Variants in NTRK2 observed in about 807,000 individuals in gnomAD.
NTRK2 encodes neurotrophic receptor tyrosine kinase 2, also known as BDNF/NT-3 growth factors receptor.
In NTRK2, 13 loss-of-function variants were observed where a neutral mutation model predicts 94.5. The ratio of observed to expected loss-of-function variants is 0.14; its 90% CI spans 0.09 to 0.22. NTRK2 has a LOEUF of 0.22. Ranked by LOEUF, NTRK2 falls within the 10% of genes least tolerant of loss-of-function variation. The probability of loss-of-function intolerance (pLI) is 1.00; values close to 1 mark genes in which losing one functional copy is unlikely to be tolerated. For missense variants in NTRK2, 639 were observed against 1,071.2 expected, an observed-to-expected ratio of 0.60 and a Z score of 5.63; for synonymous variants, 372 against 407.4, an observed-to-expected ratio of 0.91 and a Z score of 1.05.
chr9:84,910,162 G>T (rs1247490597), intron 14 of NTRK2, among the ~76,000 whole-genome samples: 1 of 152,074 alleles, frequency 6.6e-6, no homozygotes, highest in Non-Finnish European at 1.5e-5. Flanking sequence ...ATGTCCAATT[G>T]CTCTGTCACC....
intron 11 of NTRK2, among the ~76,000 whole-genome samples, chr9:84,751,576 G>A (rs1047596076): frequency 1.4e-4 from 21 of 150,994 alleles, no homozygotes; most frequent in South Asian, 8.3e-4. Context: ...GTGAGACTCC[G>A]TCACACACAC....
chr9:84,683,579 C>T (rs1364730257), intron 2 of NTRK2, among the ~76,000 whole-genome samples: 1 of 152,096 alleles, frequency 6.6e-6, no homozygotes, highest in African/African-American at 2.4e-5. Context: ...TTTTCTTTAT[C>T]CAGTCTATCA....
Position 84,670,755 on chromosome 9 carries a change from T to C in NTRK2, c.7T>C (p.Ser3Pro). 6.2e-7 allele frequency: 1 copy of C among 1,612,906 alleles called. No homozygotes were observed. The highest frequency in any genetic ancestry group is 8.5e-7 in the Non-Finnish European group (1 of 1,180,016). ...CTGGCACTGGCTGCTAGGGATGTCG[T>C]CCTGGATAAGGTGGCATGGACCCGC... MS[S>P]WIRWHGPAMA... is the part of the protein sequence containing the mutation. Residue 3 changes from serine to proline, a missense_variant, in exon 2 of 19, where the codon TCC becomes CCC. Around this residue, in one of 5 missense-constraint regions of NTRK2, gnomAD observed 206 missense variants for 251.5 expected, o/e 0.82. Coordinates refer to ENST00000277120, the MANE Select transcript of NTRK2 (RefSeq NM_006180.6).
At chr9:84,835,051 G>A (rs2073792144) in intron 12 of NTRK2, among the ~76,000 whole-genome samples, 1 of 152,010 alleles carries the variant, frequency 6.6e-6, no homozygotes, top group East Asian at 1.9e-4. Flanking sequence ...CCTTTGGCGG[G>A]GAAAACCATA....
Position 85,025,194 on chromosome 9 carries a change from T to C in NTRK2, c.*3757T>C, listed in dbSNP as rs1832976701. On this transcript the variant is annotated 3_prime_UTR_variant, in exon 19 of 19. Transcript: ENST00000277120. ...AAGATAATGTGCTTCCCAAAACAAC[T>C]GAATAAAAGCCATCCCACTACATTG... 1 of 233,144 alleles carries C rather than the reference T, an allele frequency of 4.3e-6. No individual in the cohort carries two copies. Among genetic ancestry groups the C allele is most frequent in the East Asian group, 6.0e-5 (1 of 16,558 alleles). 14.4% of individuals were successfully genotyped at this position (233,144 alleles called of 1,614,324 possible).
At chr9:84,685,821 C>G (rs2059677073) in intron 2 of NTRK2, among the ~76,000 whole-genome samples, 1 of 152,208 alleles carries the variant, frequency 6.6e-6, no homozygotes, top group African/African-American at 2.4e-5. Context: ...CTTATAGCCC[C>G]CTGTGTTTCA....
chr9:84,731,110 C>T (rs1207566944), intron 9 of NTRK2, among the ~76,000 whole-genome samples: 1 of 152,044 alleles, frequency 6.6e-6, no homozygotes. Context: ...TCTCTGGTGT[C>T]GCTTAGCGTA....
chr9:84,725,794 G>A (rs1432140273), intron 8 of NTRK2, among the ~76,000 whole-genome samples: 1 of 152,058 alleles, frequency 6.6e-6, no homozygotes, highest in African/African-American at 2.4e-5. Flanking sequence ...GCCTGTGAGA[G>A]ATATTTGGTA....
Position 84,758,540 on chromosome 9 carries a change from C to T in NTRK2, c.1396+6455C>T, listed in dbSNP as rs144816543. 9.6e-3 allele frequency among the ~76,000 whole-genome samples: 1,466 copies of T among 152,124 alleles called. 20 individuals carry two copies. The highest frequency in any genetic ancestry group is 0.033 in the African/African-American group (1,350 of 41,488). Reference sequence around the variant, plus strand: ...CTGAGTAGCTGGGATTACAGGCGTGCGCTACCACGCCCGGCTAATTTTGTA... The same window carrying T: ...CTGAGTAGCTGGGATTACAGGCGTGTGCTACCACGCCCGGCTAATTTTGTA... On this transcript the variant is annotated intron_variant, in intron 12 of 18. Coordinates refer to ENST00000277120, the MANE Select transcript of NTRK2 (RefSeq NM_006180.6).
At chr9:84,967,212 G>A (rs955949402) in intron 17 of NTRK2, among the ~76,000 whole-genome samples, 2 of 152,182 alleles carry the variant, frequency 1.3e-5, no homozygotes, top group African/African-American at 4.8e-5. Flanking sequence ...GCAGCAGGTG[G>A]AAAGTGATGC....
chr9:84,797,610 A>T (rs1398337671), intron 12 of NTRK2, among the ~76,000 whole-genome samples: 4 of 64,474 alleles, frequency 6.2e-5, no homozygotes, highest in Non-Finnish European at 8.9e-5. Context: ...TATTATATAT[A>T]ATATATATAC....
chr9:84,916,069 G>A (rs2077383496), intron 14 of NTRK2, among the ~76,000 whole-genome samples: 1 of 151,996 alleles, frequency 6.6e-6, no homozygotes, highest in Non-Finnish European at 1.5e-5. Context: ...TATCAGTCCA[G>A]AGTCCACAAC....
intron 9 of NTRK2, 30 bp downstream of exon 9, chr9:84,727,989 A>G (rs2062577954): frequency 6.3e-7 from 1 of 1,596,870 alleles, no homozygotes; most frequent in Admixed American, 1.7e-5. Context: ...GTATGTGGGG[A>G]GAAGATAAAG....
chr9:84,751,409 G>T (rs915831551), intron 11 of NTRK2, among the ~76,000 whole-genome samples: 1 of 152,086 alleles, frequency 6.6e-6, no homozygotes, highest in African/African-American at 2.4e-5. Flanking sequence ...GCAAAACCCT[G>T]TCTCTGCAAA....
intron 13 of NTRK2, among the ~76,000 whole-genome samples, chr9:84,864,400 G>A (rs1019209609): frequency 2.6e-5 from 4 of 152,218 alleles, no homozygotes; most frequent in Admixed American, 1.3e-4. Flanking sequence ...CATTGGGTAC[G>A]GTGTTGCTGC....
chr9:84,759,637 C>T (rs1411477786), intron 12 of NTRK2, among the ~76,000 whole-genome samples: 2 of 152,180 alleles, frequency 1.3e-5, no homozygotes, highest in African/African-American at 4.8e-5. Flanking sequence ...TTTGGTCTTC[C>T]ATTAACCTTG....
At chr9:84,813,790 A>T (rs1343111879) in intron 12 of NTRK2, 2 of 1,065,914 alleles carry the variant, frequency 1.9e-6, no homozygotes, top group Admixed American at 1.1e-4. Context: ...CTCTTGGCCC[A>T]GTCAGGTGCT....
chr9:84,859,121 C>T (rs1393470260), intron 12 of NTRK2, among the ~76,000 whole-genome samples: 1 of 152,172 alleles, frequency 6.6e-6, no homozygotes, highest in Non-Finnish European at 1.5e-5. Flanking sequence ...TGCTTTGTAT[C>T]TGCAATTCTC....
chr9:84,934,049 C>G lies in NTRK2; in HGVS notation c.1634-113C>G, dbSNP rs973718960. ...CCCAGCTTCTTCGGTTCACTGTGCACAGAGGAGAGACTCTTGGGCCTGGAA... is the reference window on the plus strand; with the variant it reads ...CCCAGCTTCTTCGGTTCACTGTGCAGAGAGGAGAGACTCTTGGGCCTGGAA... On this transcript the variant is annotated intron_variant, in intron 14 of 18. Transcript: ENST00000277120. 4 of 1,178,464 alleles carry G rather than the reference C, an allele frequency of 3.4e-6. No homozygotes were observed. The African/African-American group carries it at 4.5e-5, about 13-fold the overall frequency. The allele number at this position is 1,178,464 out of a possible 1,614,324, so 73.0% of individuals were successfully genotyped here.
Sources: allele counts gnomAD v4.1 joint callset (sites outside exome capture counted in the v4.1 genomes callset), GRCh38; gene constraint gnomAD v4.1.1; regional missense constraint gnomAD v4.1.1; transcripts MANE v1.5; gene names NCBI Gene and HGNC (gene_info 2026-07-23, HGNC 2026-07-21).